Variants in STON1 observed in about 807,000 individuals in gnomAD.
STON1 encodes the protein stonin-1.
Under a neutral mutation model 60.9 loss-of-function variants are expected in STON1, and 79 were observed. That is an observed-to-expected ratio of 1.30 (90% CI 1.08 to 1.56). STON1 has a LOEUF of 1.56. STON1 is among the 40% of genes most tolerant of loss of function. The pLI, the probability that STON1 is intolerant of heterozygous loss-of-function variation, is 0.00. For synonymous variants in STON1, 363 were observed against 306.9 expected (o/e 1.18, Z -1.91); for missense variants, 1,166 against 858.9 (o/e 1.36, Z -4.47).
intron 1 of STON1, among the ~76,000 whole-genome samples, chr2:48,564,405 G>GTCTTCTTCTTCTTCTTCTTCTTCT (rs1241898892): frequency 3.6e-5 from 3 of 82,938 alleles, no homozygotes; most frequent in Non-Finnish European, 4.9e-5. Flanking sequence ...CAGTGGCGGT[G>GTCTTCTTCTTCTTCTTCTTCTTCT]TCTTCTTCTT....
chr2:48,576,826 G>C (rs1053589063), intron 1 of STON1, among the ~76,000 whole-genome samples: 3 of 150,518 alleles, frequency 2.0e-5, no homozygotes, highest in Non-Finnish European at 4.4e-5. Flanking sequence ...AGGCAGAGAC[G>C]GGTGGAGCAC....
At chr2:48,565,523 A>C (rs1395173162) in intron 1 of STON1, among the ~76,000 whole-genome samples, 2 of 152,228 alleles carry the variant, frequency 1.3e-5, no homozygotes, top group African/African-American at 4.8e-5. Flanking sequence ...ATCCCTGAGC[A>C]GGGAATTGGG....
chr2:48,541,510 C>A (rs796248731), intron 1 of STON1, among the ~76,000 whole-genome samples: 1 of 146,436 alleles, frequency 6.8e-6, no homozygotes, highest in East Asian at 2.0e-4. Context: ...ATGGTGAAAC[C>A]CCATCTCTAC....
intron 1 of STON1, among the ~76,000 whole-genome samples, chr2:48,564,428 CT>C (rs1672752440): frequency 2.3e-5 from 1 of 44,290 alleles, no homozygotes; most frequent in Non-Finnish European, 5.0e-5. Context: ...TCTTCTTCTT[CT>C]TCTTCTTCTT....
intron 1 of STON1, among the ~76,000 whole-genome samples, chr2:48,542,025 A>T (rs1671675588): frequency 6.6e-6 from 1 of 152,210 alleles, no homozygotes; most frequent in African/African-American, 2.4e-5. Flanking sequence ...ACTCACATCT[A>T]TGTTGAAAAG....
At chr2:48,561,686 T>A (rs555808598) in intron 1 of STON1, among the ~76,000 whole-genome samples, 2 of 152,318 alleles carry the variant, frequency 1.3e-5, no homozygotes, top group African/African-American at 4.8e-5. Context: ...GTTGTGACAA[T>A]GAAAAATGTC....
At chr2:48,557,690 C>G (rs1264237207) in intron 1 of STON1, among the ~76,000 whole-genome samples, 1 of 150,122 alleles carries the variant, frequency 6.7e-6, no homozygotes, top group Non-Finnish European at 1.5e-5. Flanking sequence ...CCCGGCACCT[C>G]GGGAGGCCGA....
chr2:48,542,555 C>A (rs758204531), intron 1 of STON1, among the ~76,000 whole-genome samples: 5 of 152,174 alleles, frequency 3.3e-5, no homozygotes, highest in Non-Finnish European at 5.9e-5. Context: ...TGTTAGTTTC[C>A]TCCCATTATC....
intron 1 of STON1, among the ~76,000 whole-genome samples, chr2:48,561,667 T>C (rs558902286): frequency 5.3e-5 from 8 of 152,202 alleles, no homozygotes; most frequent in South Asian, 2.1e-4. Flanking sequence ...GTAGCATTCC[T>C]GATTGTCAGT....
At chr2:48,588,158 A>G (rs1201808535) in intron 2 of STON1, among the ~76,000 whole-genome samples, 1 of 152,188 alleles carries the variant, frequency 6.6e-6, no homozygotes, top group Non-Finnish European at 1.5e-5. Context: ...GATCTGGAAT[A>G]CTGTGTTTCT....
chr2:48,545,038 C>T (rs976998795), intron 1 of STON1, among the ~76,000 whole-genome samples: 2 of 152,148 alleles, frequency 1.3e-5, no homozygotes, highest in African/African-American at 2.4e-5. Flanking sequence ...TCTTGTTAGT[C>T]TTGGTTTCAG....
chr2:48,575,104 G>C (rs911010687), intron 1 of STON1, among the ~76,000 whole-genome samples: 3 of 152,236 alleles, frequency 2.0e-5, no homozygotes, highest in Non-Finnish European at 2.9e-5. Context: ...TATAAGAGGA[G>C]TCATGTAGGA....
intron 1 of STON1, among the ~76,000 whole-genome samples, chr2:48,553,551 G>C (rs1339656485): frequency 6.6e-6 from 1 of 152,010 alleles, no homozygotes; most frequent in Non-Finnish European, 1.5e-5. Flanking sequence ...GCAATGGCAT[G>C]GTCTCGGCTC....
chr2:48,531,959 A>G (rs1191575389), intron 1 of STON1: 1 of 152,204 alleles, frequency 6.6e-6, no homozygotes, highest in Non-Finnish European at 1.5e-5. Context: ...AAAAGGATGT[A>G]ATTCACTTCT....
chr2:48,564,711 T>A (rs1184304533), intron 1 of STON1, among the ~76,000 whole-genome samples: 11 of 143,370 alleles, frequency 7.7e-5, no homozygotes, highest in African/African-American at 2.6e-4. Flanking sequence ...TTCTTCCTTA[T>A]TTCTTCTTTC....
rs752220615 is a variant in STON1 at position 48,582,179 on chromosome 2, C to T, written c.1546C>T (p.Arg516Cys). 1.1e-5 allele frequency: 18 copies of T among 1,614,164 alleles called. No individual in the cohort carries two copies. The highest frequency in any genetic ancestry group is 5.0e-5 in the Admixed American group (3 of 60,020). Residue 516 changes from arginine to cysteine, a missense_variant, in exon 2 of 4, where the codon CGT becomes TGT. Physicochemically the swap from Arg to Cys is radical, Grantham distance 180. Coordinates refer to ENST00000404752, the MANE Select transcript of STON1 (RefSeq NM_006873.4). ...PLDACRFELM[R>C]FKTLYNGDNL... Reference sequence around the variant, plus strand: ...GGATGCCTGCCGGTTTGAGCTGATGCGTTTCAAGACTTTGTATAATGGGGA... The same window carrying T: ...GGATGCCTGCCGGTTTGAGCTGATGTGTTTCAAGACTTTGTATAATGGGGA...
chr2:48,557,504 A>T (rs1401046073), intron 1 of STON1, among the ~76,000 whole-genome samples: 5 of 107,406 alleles, frequency 4.7e-5, no homozygotes, highest in African/African-American at 1.7e-4. Flanking sequence ...GCGGCCAGGC[A>T]GAGACACTCC....
In STON1 at chr2:48,556,834, C is replaced by T. The variant is rs1402920085; in HGVS notation, c.-47-23753C>T. Among the ~76,000 whole-genome samples, 18 of 62,778 alleles carry T rather than the reference C, an allele frequency of 2.9e-4. 1 individual carries two copies. Among genetic ancestry groups the T allele is most frequent in the African/African-American group, 1.3e-3 (17 of 13,330 alleles). 41.2% of individuals were successfully genotyped at this position (62,778 alleles called of 152,430 possible). On this transcript the variant is annotated intron_variant, in intron 1 of 3. Coordinates refer to ENST00000404752, the MANE Select transcript of STON1 (RefSeq NM_006873.4). ...CTCCCTCCCGGACGGGGCGGCTGGC[C>T]GGGTGGGGGGGCTGACCCCCCCATC...
intron 1 of STON1, among the ~76,000 whole-genome samples, chr2:48,533,250 C>T (rs1054628734): frequency 2.0e-5 from 3 of 151,872 alleles, no homozygotes; most frequent in Admixed American, 6.6e-5. Flanking sequence ...GGCATGGTGG[C>T]GGGCACCTAT....
Sources: gnomAD v4.1 joint callset for allele counts (sites outside exome capture counted in the v4.1 genomes callset) on GRCh38, gnomAD v4.1.1 for gene constraint, MANE v1.5 for transcripts, NCBI Gene and HGNC (gene_info 2026-07-23, HGNC 2026-07-21) for gene names.